The following KIRREL3 variants were observed in gnomAD, a reference collection of about 807,000 sequenced individuals.
The protein encoded by KIRREL3 is kin of IRRE-like protein 3.
A neutral mutation model predicts 89.7 loss-of-function variants in KIRREL3; 36 were observed. The ratio of observed to expected loss-of-function variants is 0.40; its 90% CI spans 0.31 to 0.53. The LOEUF (loss-of-function observed/expected upper bound fraction) is 0.53, where lower values mean the gene tolerates loss of function less well. Among genes scored for constraint, KIRREL3 ranks in the 20% least tolerant of loss-of-function variants. The pLI is 0.49. For missense variants in KIRREL3, 864 were observed against 1,056.6 expected (o/e 0.82, Z 2.53); for synonymous variants, 445 against 441.4 (o/e 1.01, Z -0.10).
rs140435992 is a variant in KIRREL3 at position 126,707,912 on chromosome 11, CA to C, written c.56-145001del. Among the ~76,000 whole-genome samples the C allele has an allele frequency of 3.2e-3, 490 of 151,958 alleles. 2 individuals carry two copies. The highest frequency in any genetic ancestry group is 0.01 in the African/African-American group (429 of 41,450). On this transcript the variant is annotated intron_variant, in intron 1 of 16. Coordinates refer to ENST00000525144, the MANE Select transcript of KIRREL3 (RefSeq NM_032531.4). Reference sequence around the variant, plus strand: ...ACCCTTCTTGCCTCCCTTGAGAAAGCAGTTATCTTTTTGTGGGCCATCCCCA... The same window carrying C: ...ACCCTTCTTGCCTCCCTTGAGAAAGCGTTATCTTTTTGTGGGCCATCCCCA...
At position 126,575,719 on chromosome 11, in the gene KIRREL3, G is replaced by C. The variant is rs1423697164; in HGVS notation, c.56-12807C>G. Among the ~76,000 whole-genome samples, 9 of 152,100 alleles carry C rather than the reference G, an allele frequency of 5.9e-5. No individual in the cohort carries two copies. Among genetic ancestry groups the C allele is most frequent in the Admixed American group, 5.9e-4 (9 of 15,270 alleles). ...GGAACAGCTTTGTTCAGCTCTCAGA[G>C]GAAGGGGCTGCCTGGTGGCTGTCCT... On this transcript the variant is annotated intron_variant, in intron 1 of 16. Transcript: ENST00000525144. The surrounding 1 kb of genome is among the most constrained non-coding windows in gnomAD (Gnocchi z 7.0).
chr11:126,764,218 G>A lies in KIRREL3; in HGVS notation c.56-201306C>T, dbSNP rs1592092356. Reference sequence around the variant, plus strand: ...ACATAACTCAGTTTTTCCTGGAAAGGCATCAGACAGCAGGTCGCTCTGGTC... The same window carrying A: ...ACATAACTCAGTTTTTCCTGGAAAGACATCAGACAGCAGGTCGCTCTGGTC... On this transcript the variant is annotated intron_variant, in intron 1 of 16. Transcript: ENST00000525144. This position sits in a 1 kb window ranked among gnomAD's most constrained non-coding sequence, Gnocchi z 4.2. Among the ~76,000 whole-genome samples the A allele has an allele frequency of 1.3e-5, 2 of 152,234 alleles. No individual in the cohort carries two copies. The highest frequency in any genetic ancestry group is 3.9e-4 in the East Asian group (2 of 5,188).
At position 126,981,576 on chromosome 11, in the gene KIRREL3, A is replaced by T. The variant is rs898809328; in HGVS notation, c.55+18879T>A. On this transcript the variant is annotated intron_variant, in intron 1 of 16. Coordinates refer to ENST00000525144, the MANE Select transcript of KIRREL3 (RefSeq NM_032531.4). This position sits in a 1 kb window ranked among gnomAD's most constrained non-coding sequence, Gnocchi z 4.2. ...CACCCGACTCTATGAAGCAAAGGCA[A>T]GGAGGTATTTCTTAATCTGAGAAGA... Among the ~76,000 whole-genome samples, 1 of 152,224 alleles carries T rather than the reference A, an allele frequency of 6.6e-6. No homozygotes were observed. The highest frequency in any genetic ancestry group is 1.5e-5 in the Non-Finnish European group (1 of 68,038).
At chr11:126,613,883 T>A (rs866839061) in intron 1 of KIRREL3, among the ~76,000 whole-genome samples, 1 of 76,780 alleles carries the variant, frequency 1.3e-5, no homozygotes, top group Non-Finnish European at 2.8e-5. Context: ...TTTTTTTTTT[T>A]TTTTTTTTTT....
chr11:126,514,138 G>A (rs1236752762), intron 4 of KIRREL3, among the ~76,000 whole-genome samples: 1 of 152,100 alleles, frequency 6.6e-6, no homozygotes, highest in East Asian at 1.9e-4. Context: ...TGTGTGTAGG[G>A]GGAGCGAGAT....
Position 126,496,913 on chromosome 11 carries a change from T to G in KIRREL3, c.434-23447A>C, listed in dbSNP as rs1000714427. Among the ~76,000 whole-genome samples, 1 of 151,992 alleles carries G rather than the reference T, an allele frequency of 6.6e-6. No homozygotes were observed. The highest frequency in any genetic ancestry group is 1.5e-5 in the Non-Finnish European group (1 of 68,004). ...CCCGGAATTGCTTCTTGGAGGCCAA[T>G]GAGAGTGGGCAGAACTGAGCAATGG... is the stretch of plus-strand genomic sequence containing the variant. On this transcript the variant is annotated intron_variant, in intron 4 of 16. Coordinates refer to ENST00000525144, the MANE Select transcript of KIRREL3 (RefSeq NM_032531.4). The surrounding 1 kb of genome is among the most constrained non-coding windows in gnomAD (Gnocchi z 4.9).
rs914934997 is a variant in KIRREL3 at position 126,723,475 on chromosome 11, C to T, written c.56-160563G>A. On this transcript the variant is annotated intron_variant, in intron 1 of 16. Coordinates refer to ENST00000525144, the MANE Select transcript of KIRREL3 (RefSeq NM_032531.4). The surrounding 1 kb of genome is among the most constrained non-coding windows in gnomAD (Gnocchi z 4.0). ...TCTCCTCAGCCTCCAGACACACATG[C>T]TCTGTGGCATCATTAAGCAGCTGGT... Among the ~76,000 whole-genome samples, 5 of 152,224 alleles carry T rather than the reference C, an allele frequency of 3.3e-5. No individual in the cohort carries two copies. The highest frequency in any genetic ancestry group is 1.2e-4 in the African/African-American group (5 of 41,454).
chr11:126,536,778 G>A (rs1231075496), intron 2 of KIRREL3, among the ~76,000 whole-genome samples: 6 of 151,128 alleles, frequency 4.0e-5, no homozygotes, highest in African/African-American at 9.7e-5. Flanking sequence ...CAAAGTAGCC[G>A]AGACTACAGG....
At chr11:126,539,164 A>G (rs1938156991) in intron 2 of KIRREL3, among the ~76,000 whole-genome samples, 1 of 151,850 alleles carries the variant, frequency 6.6e-6, no homozygotes, top group Non-Finnish European at 1.5e-5. Flanking sequence ...ATACTTGTTG[A>G]GTTGTTTGTG....
At position 126,535,947 on chromosome 11, in the gene KIRREL3, T is replaced by C. The variant is rs1233796656; in HGVS notation, c.134-9260A>G. Among the ~76,000 whole-genome samples, 8 of 151,674 alleles carry C rather than the reference T, an allele frequency of 5.3e-5. No homozygotes were observed. In the South Asian group the frequency reaches 6.2e-4, roughly 12 times the overall value. ...TTGCAGTGAGCCAAGATCGCACCAT[T>C]GCACTCCAGCCTAGGGGACAGAGTG... On this transcript the variant is annotated intron_variant, in intron 2 of 16. Transcript: ENST00000525144. This position sits in a 1 kb window ranked among gnomAD's most constrained non-coding sequence, Gnocchi z 4.5.
rs960648920 is a variant in KIRREL3, at chr11:126,747,786, G to A, written c.56-184874C>T. ...AACGACTGTGTGCAGAGAGTCATGT[G>A]AGAACCCCTGTTCCCCTCCCTCTGC... On this transcript the variant is annotated intron_variant, in intron 1 of 16. Coordinates refer to ENST00000525144, the MANE Select transcript of KIRREL3 (RefSeq NM_032531.4). This position sits in a 1 kb window ranked among gnomAD's most constrained non-coding sequence, Gnocchi z 4.7. Among the ~76,000 whole-genome samples the A allele has an allele frequency of 2.0e-5, 3 of 152,132 alleles. No homozygotes were observed. Among genetic ancestry groups the A allele is most frequent in the African/African-American group, 7.2e-5 (3 of 41,422 alleles).
At chr11:126,826,865 T>C (rs1252019625) in intron 1 of KIRREL3, among the ~76,000 whole-genome samples, 1 of 152,200 alleles carries the variant, frequency 6.6e-6, no homozygotes, top group Non-Finnish European at 1.5e-5. Context: ...CATTAGGACA[T>C]TTAATTTCTG....
chr11:126,732,884 A>G (rs1176961940), intron 1 of KIRREL3, among the ~76,000 whole-genome samples: 3 of 152,252 alleles, frequency 2.0e-5, no homozygotes, highest in Admixed American at 6.5e-5. Context: ...GACTGAAGTT[A>G]AAGAATAATG....
chr11:126,855,900 A>T (rs1944490327), intron 1 of KIRREL3, among the ~76,000 whole-genome samples: 1 of 152,096 alleles, frequency 6.6e-6, no homozygotes. Flanking sequence ...GCAGGAGGGG[A>T]CAGGGCCTAT....
rs983559220 is a variant in KIRREL3 at position 126,788,174 on chromosome 11, G to T, written c.55+212281C>A. On this transcript the variant is annotated intron_variant, in intron 1 of 16. Transcript: ENST00000525144. This position sits in a 1 kb window ranked among gnomAD's most constrained non-coding sequence, Gnocchi z 4.1. ...TGCAAAAAGAGTGGGTGATGGAGTT[G>T]GGCTTGGGACAAATGCACAATCTGG... Among the ~76,000 whole-genome samples the T allele has an allele frequency of 5.3e-5, 8 of 152,172 alleles. No homozygotes were observed. The highest frequency in any genetic ancestry group is 1.7e-4 in the African/African-American group (7 of 41,442).
rs928987475 is a variant in KIRREL3, at chr11:126,635,592, C to T, written c.56-72680G>A. ...CCATTGTACACCCCCAGCAACGAGC[C>T]CCCCTGCCAGCCCAGAGTAACCAGA... On this transcript the variant is annotated intron_variant, in intron 1 of 16. Transcript: ENST00000525144. This position sits in a 1 kb window ranked among gnomAD's most constrained non-coding sequence, Gnocchi z 4.0. Among the ~76,000 whole-genome samples the T allele has an allele frequency of 1.3e-5, 2 of 152,040 alleles. No homozygotes were observed. Among genetic ancestry groups the T allele is most frequent in the African/African-American group, 4.8e-5 (2 of 41,392 alleles).
chr11:126,876,929 A>G lies in KIRREL3; in HGVS notation c.55+123526T>C, dbSNP rs780586989. On this transcript the variant is annotated intron_variant, in intron 1 of 16. Coordinates refer to ENST00000525144, the MANE Select transcript of KIRREL3 (RefSeq NM_032531.4). This position sits in a 1 kb window ranked among gnomAD's most constrained non-coding sequence, Gnocchi z 4.1. The stretch of plus-strand genomic sequence containing the variant: ...CCCTTACAGTAGATTGCAGAAACCT[A>G]TAAGACAGACTATCACTGAACTCAT... Among the ~76,000 whole-genome samples, 2 of 152,240 alleles carry G rather than the reference A, an allele frequency of 1.3e-5. No homozygotes were observed. The highest frequency in any genetic ancestry group is 2.9e-5 in the Non-Finnish European group (2 of 68,046).
Position 126,429,261 on chromosome 11 carries a change from T to C in KIRREL3, c.1724A>G (p.Asn575Ser). 1 of 1,613,028 alleles carries C rather than the reference T, an allele frequency of 6.2e-7. No homozygotes were observed. Among genetic ancestry groups the C allele is most frequent in the African/African-American group, 1.3e-5 (1 of 75,042 alleles). Residue 575 changes from asparagine to serine, a missense_variant, in exon 15 of 17, where the codon AAT becomes AGT. Physicochemically the swap from Asn to Ser is conservative, Grantham distance 46. Coordinates refer to ENST00000525144, the MANE Select transcript of KIRREL3 (RefSeq NM_032531.4). This position sits in a 1 kb window ranked among gnomAD's most constrained non-coding sequence, Gnocchi z 5.2. ...GTGGACAATTTCCACTCGGATATCA[T>C]TTTTGGCTGACACAACACCTTTGAG... ...RNLKGVVSAK[N>S]DIRVEIVHKE...
chr11:126,907,022 C>T (rs562881717), intron 1 of KIRREL3, among the ~76,000 whole-genome samples: 12 of 152,326 alleles, frequency 7.9e-5, no homozygotes, highest in African/African-American at 2.6e-4. Context: ...GGACACTGCT[C>T]TCATGCATGT....
Sources: allele counts gnomAD v4.1 joint callset (sites outside exome capture counted in the v4.1 genomes callset), GRCh38; gene constraint gnomAD v4.1.1; non-coding constraint Gnocchi (gnomAD v3.1); transcripts MANE v1.5; gene names NCBI Gene and HGNC (gene_info 2026-07-23, HGNC 2026-07-21).